Variants in EMC2 observed in about 807,000 individuals in gnomAD.
EMC2 encodes TPR repeat protein 35.
Under a neutral mutation model 51.6 loss-of-function variants are expected in EMC2, and 37 were observed. That is an observed-to-expected ratio of 0.72 (90% CI 0.55 to 0.94). The LOEUF (loss-of-function observed/expected upper bound fraction) is 0.94, where lower values mean the gene tolerates loss of function less well. Among genes scored for constraint, EMC2 ranks in the 40% least tolerant of loss-of-function variants. The pLI, the probability that EMC2 is intolerant of heterozygous loss-of-function variation, is 0.00. For missense variants in EMC2, 359 were observed against 350.9 expected (o/e 1.02, Z -0.18); for synonymous variants, 131 against 112.4 (o/e 1.17, Z -1.04).
intron 4 of EMC2, among the ~76,000 whole-genome samples, chr8:108,453,546 T>A (rs1477493164): frequency 2.6e-5 from 4 of 152,102 alleles, no homozygotes; most frequent in Admixed American, 6.6e-5. Context: ...GTTCAGTTTA[T>A]CATTTTTTTT....
At chr8:108,460,305 C>G (rs1586181875) in intron 5 of EMC2, among the ~76,000 whole-genome samples, 1 of 152,290 alleles carries the variant, frequency 6.6e-6, no homozygotes, top group South Asian at 2.1e-4. Flanking sequence ...AATTATTGCT[C>G]TGTCTTTGTA....
At chr8:108,460,859 A>T (rs72668947) in intron 5 of EMC2, among the ~76,000 whole-genome samples, 23 of 152,374 alleles carry the variant, frequency 1.5e-4, no homozygotes, top group Admixed American at 5.9e-4. Flanking sequence ...TGTATCAAAC[A>T]TGATCTAATC....
chr8:108,469,862 C>G lies in EMC2; in HGVS notation c.400C>G (p.Gln134Glu), dbSNP rs770422828. The G allele has an allele frequency of 2.0e-5, 33 of 1,613,508 alleles. 1 individual carries two copies. The Admixed American group carries it at 5.2e-4, about 25-fold the overall frequency. ...RKRKIAIRKAQGKNVEAIREL... is the reference protein window; with the variant it reads ...RKRKIAIRKAEGKNVEAIREL... ...GCGTAAGATTGCCATTCGAAAAGCCCAGGGGAAAAATGTGGAGGCCATTCG... is the reference window on the plus strand; with the variant it reads ...GCGTAAGATTGCCATTCGAAAAGCCGAGGGGAAAAATGTGGAGGCCATTCG... The change falls in exon 6 of 11, where the codon CAG (glutamine) becomes GAG (glutamate). Residue 134 changes from glutamine (Q) to glutamate (E), a missense_variant. Transcript: ENST00000220853.
chr8:108,473,223 G>C (rs957643180), intron 7 of EMC2, among the ~76,000 whole-genome samples: 1 of 151,906 alleles, frequency 6.6e-6, no homozygotes, highest in African/African-American at 2.4e-5. Flanking sequence ...TGAGACACTT[G>C]TTCTAAAGTT....
rs139354414 is a variant in EMC2 at position 108,488,040 on chromosome 8, G to T, written c.*1442G>T. On this transcript the variant is annotated 3_prime_UTR_variant, in exon 11 of 11. Transcript: ENST00000220853. Reference sequence around the variant, plus strand: ...TCTGTAAAGAAAATAGTGCCTGCACGTTGTTTCACTACCTTTTCCCCTTCA... The same window carrying T: ...TCTGTAAAGAAAATAGTGCCTGCACTTTGTTTCACTACCTTTTCCCCTTCA... Among the ~76,000 whole-genome samples, 680 of 152,170 alleles carry T rather than the reference G, an allele frequency of 4.5e-3. 5 individuals are homozygous for T. Among genetic ancestry groups the T allele is most frequent in the African/African-American group, 0.015 (615 of 41,504 alleles).
chr8:108,475,678 T>G (rs1810933894), intron 7 of EMC2: 1 of 486,524 alleles, frequency 2.1e-6, no homozygotes, highest in African/African-American at 2.0e-5. Flanking sequence ...TTTAAGCCTG[T>G]GTTTATTAAT....
intron 5 of EMC2, among the ~76,000 whole-genome samples, chr8:108,467,158 A>G (rs1810738670): frequency 6.6e-6 from 1 of 152,202 alleles, no homozygotes; most frequent in Admixed American, 6.5e-5. Context: ...GATCTGCAGT[A>G]GATACTTCCT....
chr8:108,462,739 A>G (rs1487689554), intron 5 of EMC2, among the ~76,000 whole-genome samples: 1 of 84,526 alleles, frequency 1.2e-5, no homozygotes, highest in Non-Finnish European at 2.2e-5. Context: ...ATCTTTTAAT[A>G]TTGTTTTTTT....
intron 9 of EMC2, among the ~76,000 whole-genome samples, chr8:108,478,302 A>G (rs991270327): frequency 2.0e-5 from 3 of 152,032 alleles, no homozygotes; most frequent in African/African-American, 7.2e-5. Context: ...TTGGGGTTTT[A>G]TGGATTCTTT....
intron 1 of EMC2, among the ~76,000 whole-genome samples, chr8:108,447,564 T>C (rs1174466130): frequency 6.6e-6 from 1 of 152,210 alleles, no homozygotes; most frequent in Non-Finnish European, 1.5e-5. Context: ...TTGGAGGAAG[T>C]AGTTTTGGAC....
chr8:108,462,420 C>G (rs565546038), intron 5 of EMC2, among the ~76,000 whole-genome samples: 1 of 152,076 alleles, frequency 6.6e-6, no homozygotes, highest in South Asian at 2.1e-4. Flanking sequence ...ACTTGGTGAA[C>G]CTTTAGGATG....
At chr8:108,476,925 A>C (rs761141100) in intron 9 of EMC2, 33 bp downstream of exon 9, 20 of 1,034,402 alleles carry the variant, frequency 1.9e-5, no homozygotes, top group Non-Finnish European at 2.9e-5. Flanking sequence ...TGTTATTTTT[A>C]AAAATCTGTC....
intron 5 of EMC2, among the ~76,000 whole-genome samples, chr8:108,469,481 C>G (rs1810808013): frequency 6.6e-6 from 1 of 152,112 alleles, no homozygotes; most frequent in African/African-American, 2.4e-5. Context: ...TCCTCCCCCT[C>G]TTAGGATACA....
chr8:108,467,776 G>T lies in EMC2; in HGVS notation c.364-2050G>T, dbSNP rs1810759287. Reference sequence around the variant, plus strand: ...ATCTCTGCTGTTGCAAATCCTGTAAGGATTGGGACAAGATATAAATATCAA... The same window carrying T: ...ATCTCTGCTGTTGCAAATCCTGTAATGATTGGGACAAGATATAAATATCAA... On this transcript the variant is annotated intron_variant, in intron 5 of 10. Coordinates refer to ENST00000220853, the MANE Select transcript of EMC2 (RefSeq NM_014673.5). 2.0e-5 allele frequency among the ~76,000 whole-genome samples: 3 copies of T among 152,160 alleles called. No homozygotes were observed. The South Asian group carries it at 6.2e-4, about 32-fold the overall frequency.
At chr8:108,463,521 A>G (rs1819383951) in intron 5 of EMC2, among the ~76,000 whole-genome samples, 2 of 152,192 alleles carry the variant, frequency 1.3e-5, no homozygotes, top group South Asian at 4.1e-4. Context: ...TACTTGTTGA[A>G]GGAATGCCTT....
chr8:108,485,451 A>G (rs1007423623), intron 10 of EMC2, among the ~76,000 whole-genome samples: 11 of 135,738 alleles, frequency 8.1e-5, no homozygotes, highest in Admixed American at 2.2e-4. Context: ...ATTAATATAT[A>G]TACATATATA....
chr8:108,458,913 T>C (rs1174403851), intron 5 of EMC2, among the ~76,000 whole-genome samples: 1 of 152,194 alleles, frequency 6.6e-6, no homozygotes, highest in Admixed American at 6.5e-5. Flanking sequence ...CCTGTTTCCC[T>C]TGTAAAACTG....
At chr8:108,482,990 A>AT (rs1033700759) in intron 10 of EMC2, among the ~76,000 whole-genome samples, 2 of 152,116 alleles carry the variant, frequency 1.3e-5, no homozygotes, top group African/African-American at 4.8e-5. Context: ...AGTCCCGTCC[A>AT]TGGAAGCTAG....
rs763020311 is a variant in EMC2, at chr8:108,459,721, A to AGAGT, written c.363+3792_363+3793insAGTG. Among the ~76,000 whole-genome samples, 944 of 136,958 alleles carry AGAGT rather than the reference A, an allele frequency of 6.9e-3. 13 individuals are homozygous for AGAGT. The highest frequency in any genetic ancestry group is 0.019 in the African/African-American group (629 of 33,722). 89.8% of individuals were successfully genotyped at this position (136,958 alleles called of 152,430 possible). On this transcript the variant is annotated intron_variant, in intron 5 of 10. Transcript: ENST00000220853. ...AGCCATGTGAGAGAGAGAGAGAGAG[A>AGAGT]GTGTGTGTGTGTGTGTGTGTGTGTG... is the stretch of plus-strand genomic sequence containing the variant.
Sources: allele counts gnomAD v4.1 joint callset (sites outside exome capture counted in the v4.1 genomes callset), GRCh38; gene constraint gnomAD v4.1.1; transcripts MANE v1.5; gene names NCBI Gene and HGNC (gene_info 2026-07-23, HGNC 2026-07-21).